Variants in GALC observed in about 807,000 individuals in gnomAD.
The protein encoded by GALC is galactocerebrosidase.
GALC carries 77 observed loss-of-function variants against 91.8 expected under a neutral mutation model. That is an observed-to-expected ratio of 0.84 (90% CI 0.70 to 1.01). GALC has a LOEUF of 1.01. Among genes scored for constraint, GALC ranks in the 50% least tolerant of loss-of-function variants. The probability of loss-of-function intolerance (pLI) is 0.00; values close to 1 mark genes in which losing one functional copy is unlikely to be tolerated. For missense variants in GALC, 882 were observed against 855.9 expected, an observed-to-expected ratio of 1.03 and a Z score of -0.38; for synonymous variants, 357 against 306.7, an observed-to-expected ratio of 1.16 and a Z score of -1.71.
chr14:87,941,005 T>G (rs779653892), intron 15 of GALC, among the ~76,000 whole-genome samples: 1 of 151,986 alleles, frequency 6.6e-6, no homozygotes, highest in African/African-American at 2.4e-5. Flanking sequence ...TCAATTCCCC[T>G]CCTTATATTT....
chr14:87,945,657 G>A lies in GALC; in HGVS notation c.1566C>T (p.Asp522=). Residue 522 remains aspartate, a synonymous_variant, in exon 14 of 17, where the codon GAC becomes GAT. Transcript: ENST00000261304. The part of the protein sequence containing the change: ...GVFEYFTNIE[D]PGEHHFTLRQ... ...GTAGCGTGAAGTGATGCTCGCCAGG[G>A]TCTTCAATATTTGTAAAATATTCAA... 6.2e-7 allele frequency: 1 copy of A among 1,611,400 alleles called. No homozygotes were observed. Among genetic ancestry groups the A allele is most frequent in the Non-Finnish European group, 8.5e-7 (1 of 1,177,964 alleles).
chr14:87,986,349 G>A, intron 4 of GALC, 140 bp downstream of exon 4: 1 of 690,832 alleles, frequency 1.4e-6, no homozygotes, highest in Non-Finnish European at 2.6e-6. Flanking sequence ...CCTGGCACAT[G>A]CTTTGCTGCT....
chr14:87,983,544 G>A (rs563626915), intron 5 of GALC, among the ~76,000 whole-genome samples: 24 of 152,306 alleles, frequency 1.6e-4, no homozygotes, highest in African/African-American at 5.8e-4. Flanking sequence ...TACAGTCACA[G>A]TTCCTGCAAC....
At chr14:87,977,738 A>G (rs191490522) in intron 6 of GALC, among the ~76,000 whole-genome samples, 2 of 152,362 alleles carry the variant, frequency 1.3e-5, no homozygotes, top group African/African-American at 4.8e-5. Flanking sequence ...ACTTCTCTGA[A>G]CTAGGGCAAT....
At chr14:87,974,573 C>CAA (rs1322264180) in intron 7 of GALC, among the ~76,000 whole-genome samples, 1 of 151,876 alleles carries the variant, frequency 6.6e-6, no homozygotes, top group African/African-American at 2.4e-5. Flanking sequence ...TTCAAGTGGA[C>CAA]AAAATCGTTA....
intron 7 of GALC, among the ~76,000 whole-genome samples, chr14:87,971,558 A>G (rs903860424): frequency 2.0e-5 from 3 of 152,244 alleles, no homozygotes; most frequent in Admixed American, 1.3e-4. Context: ...AAAAAATTTA[A>G]TTGAATTTAC....
At chr14:87,978,339 T>G (rs1223379971) in intron 6 of GALC, among the ~76,000 whole-genome samples, 1 of 152,170 alleles carries the variant, frequency 6.6e-6, no homozygotes, top group Non-Finnish European at 1.5e-5. Flanking sequence ...CGTGAGCCAC[T>G]CCACCCGGCC....
chr14:87,962,227 G>C (rs1016522429), intron 10 of GALC, among the ~76,000 whole-genome samples: 2 of 152,160 alleles, frequency 1.3e-5, no homozygotes, highest in Non-Finnish European at 2.9e-5. Context: ...GGGGAGTAGG[G>C]AGGTTATCTG....
intron 7 of GALC, among the ~76,000 whole-genome samples, chr14:87,973,116 T>C (rs1886362247): frequency 1.3e-5 from 2 of 152,180 alleles, no homozygotes; most frequent in Admixed American, 6.5e-5. Context: ...GCAAATTTTA[T>C]GATATATTTA....
intron 10 of GALC, among the ~76,000 whole-genome samples, chr14:87,962,823 T>C (rs544809690): frequency 1.3e-5 from 2 of 152,234 alleles, no homozygotes; most frequent in African/African-American, 2.4e-5. Context: ...GACTTCTTCT[T>C]CTCTCCACTG....
chr14:87,955,723 T>C (rs1476034934), intron 10 of GALC, among the ~76,000 whole-genome samples: 1 of 152,088 alleles, frequency 6.6e-6, no homozygotes, highest in African/African-American at 2.4e-5. Context: ...AATGAGATCA[T>C]GTTTCAATTT....
chr14:87,936,703 C>A (rs1039111383), intron 16 of GALC, among the ~76,000 whole-genome samples: 1 of 151,266 alleles, frequency 6.6e-6, no homozygotes, highest in African/African-American at 2.4e-5. Context: ...CACATTTAAC[C>A]CTCAAAACAA....
intron 3 of GALC, 165 bp downstream of exon 3, chr14:87,987,979 A>G: frequency 6.4e-6 from 4 of 623,008 alleles, no homozygotes; most frequent in South Asian, 5.9e-5. Context: ...ATTCTATATA[A>G]TATTTTTAAA....
At chr14:87,959,378 G>A (rs1020117686) in intron 10 of GALC, among the ~76,000 whole-genome samples, 1 of 152,192 alleles carries the variant, frequency 6.6e-6, no homozygotes, top group African/African-American at 2.4e-5. Flanking sequence ...TGTTAGGGTT[G>A]TAAATTGGTA....
At chr14:87,963,084 G>A (rs1446266193) in intron 10 of GALC, among the ~76,000 whole-genome samples, 1 of 152,108 alleles carries the variant, frequency 6.6e-6, no homozygotes, top group Admixed American at 6.6e-5. Context: ...ACATATCAGG[G>A]CAAGGGAAGG....
intron 16 of GALC, among the ~76,000 whole-genome samples, chr14:87,939,402 A>G (rs1884734623): frequency 6.6e-6 from 1 of 151,888 alleles, no homozygotes; most frequent in Non-Finnish European, 1.5e-5. Context: ...GCAGTAACTC[A>G]TGATCACCCA....
intron 7 of GALC, among the ~76,000 whole-genome samples, chr14:87,968,996 T>C (rs192251057): frequency 1.9e-3 from 289 of 152,204 alleles, no homozygotes; most frequent in African/African-American, 6.9e-3. Context: ...CTCCTGTCCT[T>C]AGAACACAGA....
At chr14:87,941,613 G>A in intron 14 of GALC, 55 bp from the exon 15 acceptor site, 1 of 1,145,594 alleles carries the variant, frequency 8.7e-7, no homozygotes, top group South Asian at 1.2e-5. Flanking sequence ...TTGTAACATA[G>A]TACAGATATG....
At chr14:87,946,206 T>C (rs1359089003) in intron 13 of GALC, among the ~76,000 whole-genome samples, 1 of 152,064 alleles carries the variant, frequency 6.6e-6, no homozygotes, top group Non-Finnish European at 1.5e-5. Flanking sequence ...AGGTTCCAAA[T>C]CATGCGTCAC....
Sources: gnomAD v4.1 joint callset for allele counts (sites outside exome capture counted in the v4.1 genomes callset) on GRCh38, gnomAD v4.1.1 for gene constraint, MANE v1.5 for transcripts, NCBI Gene and HGNC (gene_info 2026-07-23, HGNC 2026-07-21) for gene names.